Variants in SND1 observed in about 807,000 individuals in gnomAD.
The protein encoded by SND1 is staphylococcal nuclease domain-containing protein 1.
In SND1, 38 loss-of-function variants were observed where a neutral mutation model predicts 121.7. That is an observed-to-expected ratio of 0.31 (90% CI 0.24 to 0.41). The LOEUF is 0.41. Ranked by LOEUF, SND1 falls within the 10% of genes least tolerant of loss-of-function variation. The pLI, the probability that SND1 is intolerant of heterozygous loss-of-function variation, is 1.00. For synonymous variants in SND1, 401 were observed against 447.4 expected (o/e 0.90, Z 1.31); for missense variants, 868 against 1,184.6 (o/e 0.73, Z 3.92).
intron 1 of SND1, among the ~76,000 whole-genome samples, chr7:127,672,781 C>T (rs563431858): frequency 7.9e-5 from 12 of 152,150 alleles, no homozygotes; most frequent in Non-Finnish European, 1.3e-4. Context: ...TTTTCATGAT[C>T]CTGATGTTTT....
rs779863354 is a variant in SND1, at chr7:127,698,860, C to G, written c.350-15C>G. ...GTTTGAATCTTGTTTTTAAATCCCCCCTTTTCCTCCTCAGATACCAATGGG... is the reference window on the plus strand; with the variant it reads ...GTTTGAATCTTGTTTTTAAATCCCCGCTTTTCCTCCTCAGATACCAATGGG... On this transcript the variant is annotated splice_polypyrimidine_tract_variant and intron_variant, in intron 3 of 23. Coordinates refer to ENST00000354725, the MANE Select transcript of SND1 (RefSeq NM_014390.4). 1.2e-6 allele frequency: 2 copies of G among 1,612,152 alleles called. No individual in the cohort carries two copies. Among genetic ancestry groups the G allele is most frequent in the Non-Finnish European group, 8.5e-7 (1 of 1,178,374 alleles).
At chr7:127,976,711 A>T (rs1802128904) in intron 15 of SND1, among the ~76,000 whole-genome samples, 1 of 152,240 alleles carries the variant, frequency 6.6e-6, no homozygotes, top group Non-Finnish European at 1.5e-5. Flanking sequence ...AATTCTGCAA[A>T]GTGAATTCTG....
chr7:127,997,438 C>A (rs1490792190), intron 16 of SND1: 1 of 322,884 alleles, frequency 3.1e-6, no homozygotes, highest in South Asian at 2.6e-5. Flanking sequence ...TATGCCCATG[C>A]CTCCCCTAAA....
chr7:127,729,686 T>G (rs1450219185), intron 10 of SND1, among the ~76,000 whole-genome samples: 2 of 152,188 alleles, frequency 1.3e-5, no homozygotes, highest in African/African-American at 4.8e-5. Context: ...AGGATCCATA[T>G]CTCTAATCCT....
intron 18 of SND1, 77 bp from the exon 19 acceptor site, chr7:128,084,647 A>G: frequency 6.8e-7 from 1 of 1,477,366 alleles, no homozygotes; most frequent in African/African-American, 1.4e-5. Context: ...TCCCTCCCCA[A>G]CCACTCCCAG....
chr7:127,859,022 C>T (rs1395658689), intron 12 of SND1, among the ~76,000 whole-genome samples: 1 of 152,138 alleles, frequency 6.6e-6, no homozygotes, highest in Non-Finnish European at 1.5e-5. Flanking sequence ...CATTTTGGAC[C>T]TTTCTAGACC....
At chr7:127,946,029 G>A (rs1460305336) in intron 15 of SND1, among the ~76,000 whole-genome samples, 2 of 152,166 alleles carry the variant, frequency 1.3e-5, no homozygotes, top group African/African-American at 4.8e-5. Flanking sequence ...CTGCATCTGC[G>A]TGTACTCTCT....
At chr7:127,842,299 C>T (rs192741030) in intron 11 of SND1, among the ~76,000 whole-genome samples, 1 of 152,254 alleles carries the variant, frequency 6.6e-6, no homozygotes, top group Non-Finnish European at 1.5e-5. Context: ...GGTTTGTAAA[C>T]CTTGGTTTTG....
chr7:127,835,777 C>T (rs1798856488), intron 11 of SND1, among the ~76,000 whole-genome samples: 1 of 152,046 alleles, frequency 6.6e-6, no homozygotes, highest in Admixed American at 6.5e-5. Context: ...AAATAGTGAT[C>T]TCTGTGTCTT....
Position 127,694,762 on chromosome 7 carries a change from G to C in SND1, c.229-66G>C, listed in dbSNP as rs546936592. The C allele has an allele frequency of 9.4e-6, 15 of 1,591,012 alleles. No individual in the cohort carries two copies. The East Asian group carries it at 1.1e-4, about 12-fold the overall frequency. Reference sequence around the variant, plus strand: ...AGACATTTACTGAAGGTATGAAGTTGCTTGAATGCTGATTGGCATCTGAAA... The same window carrying C: ...AGACATTTACTGAAGGTATGAAGTTCCTTGAATGCTGATTGGCATCTGAAA... On this transcript the variant is annotated intron_variant, in intron 2 of 23. Transcript: ENST00000354725.
intron 13 of SND1, among the ~76,000 whole-genome samples, chr7:127,889,341 G>A (rs888595152): frequency 4.0e-5 from 6 of 151,308 alleles, no homozygotes. Flanking sequence ...TCATGATCTT[G>A]GTTCTGTTTT....
Position 127,686,762 on chromosome 7 carries a change from G to A in SND1, c.228G>A (p.Glu76=). 6.2e-7 allele frequency: 1 copy of A among 1,612,172 alleles called. No homozygotes were observed. The highest frequency in any genetic ancestry group is 8.5e-7 in the Non-Finnish European group (1 of 1,178,416). Reference sequence around the variant, plus strand: ...CTGATGCAAAGGATACCCCTGATGAGGTAGGTGTTTCCTGAGGCCATCGTG... The same window carrying A: ...CTGATGCAAAGGATACCCCTGATGAAGTAGGTGTTTCCTGAGGCCATCGTG... The part of the protein sequence containing the change: ...TQPDAKDTPD[E]PWAFPAREFL... Residue 76 remains glutamate, a splice_region_variant and synonymous_variant, in exon 2 of 24, where the codon GAG becomes GAA. Transcript: ENST00000354725.
chr7:128,086,894 G>A (rs1407866757), intron 20 of SND1, 44 bp from the exon 21 acceptor site: 1 of 1,471,388 alleles, frequency 6.8e-7, no homozygotes. Context: ...GAGAGCAAGG[G>A]GGCAGCGAGT....
chr7:128,043,882 AC>A (rs1427642859), intron 16 of SND1, among the ~76,000 whole-genome samples: 9 of 145,818 alleles, frequency 6.2e-5, no homozygotes, highest in Non-Finnish European at 1.2e-4. Context: ...ACACACACAC[AC>A]ACACACGTAA....
At chr7:127,976,834 G>A (rs1208845242) in intron 15 of SND1, among the ~76,000 whole-genome samples, 4 of 152,174 alleles carry the variant, frequency 2.6e-5, no homozygotes, top group African/African-American at 9.7e-5. Flanking sequence ...AGTGCCTGGG[G>A]CTGCTGCTGA....
chr7:127,652,495 G>T (rs1041256353), intron 1 of SND1, 44 bp downstream of exon 1: 3 of 1,490,882 alleles, frequency 2.0e-6, no homozygotes, highest in Non-Finnish European at 2.7e-6. Context: ...CTGCCTTCGG[G>T]CGGGAGTCAG....
At chr7:127,992,498 A>T (rs149246771) in intron 16 of SND1, among the ~76,000 whole-genome samples, 1 of 152,212 alleles carries the variant, frequency 6.6e-6, no homozygotes, top group Non-Finnish European at 1.5e-5. Context: ...AGTCTGTTCA[A>T]ATTCATAACT....
chr7:128,043,809 T>C (rs1792898123), intron 16 of SND1, among the ~76,000 whole-genome samples: 1 of 151,294 alleles, frequency 6.6e-6, no homozygotes, highest in Non-Finnish European at 1.5e-5. Flanking sequence ...TATGTAAAGA[T>C]ACAATATTGT....
rs546946330 is a variant in SND1, at chr7:127,696,713, G to T, written c.349+1765G>T. 8.5e-5 allele frequency among the ~76,000 whole-genome samples: 13 copies of T among 152,250 alleles called. No individual in the cohort carries two copies. The East Asian group carries it at 2.3e-3, about 27-fold the overall frequency. ...GGTCTTCAGCCAAAATGGCCAAATT[G>T]TTTATTTTAAGAGAAGCTGATATTT... is the stretch of plus-strand genomic sequence containing the variant. On this transcript the variant is annotated intron_variant, in intron 3 of 23. Transcript: ENST00000354725.
Sources: allele counts gnomAD v4.1 joint callset (sites outside exome capture counted in the v4.1 genomes callset), GRCh38; gene constraint gnomAD v4.1.1; transcripts MANE v1.5; gene names NCBI Gene and HGNC (gene_info 2026-07-23, HGNC 2026-07-21).